The following CNTNAP2 variants were observed in gnomAD, a reference collection of about 807,000 sequenced individuals.
CNTNAP2 encodes the protein contactin associated protein 2.
In CNTNAP2, 98 loss-of-function variants were observed where a neutral mutation model predicts 155.2. The observed-to-expected ratio is 0.63, with a 90% CI of 0.54 to 0.75. CNTNAP2 has a LOEUF of 0.75. CNTNAP2 is among the 30% of genes least tolerant of loss of function. CNTNAP2 has a pLI of 0.00. For missense variants in CNTNAP2, 1,727 were observed against 1,688.1 expected (o/e 1.02, Z -0.40); for synonymous variants, 651 against 631.2 (o/e 1.03, Z -0.47).
intron 3 of CNTNAP2, among the ~76,000 whole-genome samples, chr7:146,930,465 T>A (rs922724263): frequency 2.0e-5 from 3 of 152,138 alleles, no homozygotes; most frequent in African/African-American, 4.8e-5. Context: ...GAACAACTGG[T>A]ACCAGCCACT....
intron 1 of CNTNAP2, among the ~76,000 whole-genome samples, chr7:146,641,415 A>C (rs544184897): frequency 6.6e-6 from 1 of 152,236 alleles, no homozygotes; most frequent in African/African-American, 2.4e-5. Flanking sequence ...GGTTTCTAAT[A>C]ATTTATAAGA....
chr7:146,525,726 G>A (rs957192489), intron 1 of CNTNAP2, among the ~76,000 whole-genome samples: 8 of 152,122 alleles, frequency 5.3e-5, no homozygotes, highest in Non-Finnish European at 1.0e-4. Context: ...AGCTTCCTGG[G>A]CATCTGGGCA....
chr7:146,285,312 A>G (rs1800308753), intron 1 of CNTNAP2, among the ~76,000 whole-genome samples: 2 of 152,150 alleles, frequency 1.3e-5, no homozygotes, highest in South Asian at 2.1e-4. Flanking sequence ...AACCTTGACT[A>G]TCATAAGTGC....
chr7:146,311,961 T>A (rs1800832590), intron 1 of CNTNAP2: 1 of 152,098 alleles, frequency 6.6e-6, no homozygotes, highest in South Asian at 2.1e-4. Flanking sequence ...AAACAACTAC[T>A]CTAGTAAATT....
At chr7:146,406,734 C>T (rs148204387) in intron 1 of CNTNAP2, among the ~76,000 whole-genome samples, 10 of 152,232 alleles carry the variant, frequency 6.6e-5, no homozygotes, top group Admixed American at 2.0e-4. Flanking sequence ...GAGTCAACCT[C>T]GCAGAACCTT....
intron 20 of CNTNAP2, among the ~76,000 whole-genome samples, chr7:148,252,159 T>C (rs1796374287): frequency 6.6e-6 from 1 of 152,208 alleles, no homozygotes; most frequent in Non-Finnish European, 1.5e-5. Flanking sequence ...AGGCCCAGAA[T>C]CACCCTACTC....
chr7:147,343,614 T>C (rs1047183366), intron 9 of CNTNAP2, among the ~76,000 whole-genome samples: 1 of 152,206 alleles, frequency 6.6e-6, no homozygotes, highest in Non-Finnish European at 1.5e-5. Context: ...AGTTTTAATA[T>C]TGTGAATATA....
At chr7:147,000,818 C>T (rs558840811) in intron 3 of CNTNAP2, among the ~76,000 whole-genome samples, 2 of 152,192 alleles carry the variant, frequency 1.3e-5, no homozygotes, top group African/African-American at 2.4e-5. Context: ...CTGAGGTCTG[C>T]CTGTTGTGGT....
intron 13 of CNTNAP2, among the ~76,000 whole-genome samples, chr7:147,696,492 A>G (rs998694757): frequency 1.3e-5 from 2 of 152,166 alleles, no homozygotes; most frequent in Admixed American, 6.6e-5. Flanking sequence ...CCATATACAT[A>G]GAGTACATTA....
At position 146,934,604 on chromosome 7, in the gene CNTNAP2, TA is replaced by T. The variant is rs957644538; in HGVS notation, c.402+94708del. 2.0e-4 allele frequency among the ~76,000 whole-genome samples: 30 copies of T among 151,992 alleles called. 1 individual carries two copies. Among genetic ancestry groups the T allele is most frequent in the South Asian group, 1.5e-3 (7 of 4,810 alleles). On this transcript the variant is annotated intron_variant, in intron 3 of 23. Coordinates refer to ENST00000361727, the MANE Select transcript of CNTNAP2 (RefSeq NM_014141.6). ...CATAAAACTTTAATAATAATAAAATTAAAAAAAATTGTTCAATTCAAATTTT... is the reference window on the plus strand; with the variant it reads ...CATAAAACTTTAATAATAATAAAATTAAAAAAATTGTTCAATTCAAATTTT...
intron 9 of CNTNAP2, among the ~76,000 whole-genome samples, chr7:147,302,208 C>T (rs998513193): frequency 5.9e-5 from 9 of 152,166 alleles, no homozygotes; most frequent in African/African-American, 2.2e-4. Context: ...ACAAATAGAT[C>T]ACAGTTGTCA....
chr7:147,633,310 G>A (rs61672019), intron 12 of CNTNAP2, among the ~76,000 whole-genome samples: 1,674 of 152,296 alleles, frequency 0.011, 31 homozygotes, highest in African/African-American at 0.039. Flanking sequence ...AGATTTCAGA[G>A]GATGTATGGA....
intron 2 of CNTNAP2, among the ~76,000 whole-genome samples, chr7:146,797,874 T>G (rs1412489787): frequency 1.3e-5 from 2 of 152,244 alleles, no homozygotes; most frequent in African/African-American, 4.8e-5. Context: ...ATATTTCAGG[T>G]GTAACTATGT....
intron 15 of CNTNAP2, among the ~76,000 whole-genome samples, chr7:147,978,903 C>T (rs1278064766): frequency 6.6e-6 from 1 of 152,138 alleles, no homozygotes; most frequent in Admixed American, 6.6e-5. Flanking sequence ...GAGAATACCA[C>T]ACACATCCCA....
chr7:146,910,581 C>T (rs1796251548), intron 3 of CNTNAP2, among the ~76,000 whole-genome samples: 1 of 151,014 alleles, frequency 6.6e-6, no homozygotes, highest in African/African-American at 2.5e-5. Context: ...ATAAATGGTG[C>T]TGGGAAAACT....
rs548837561 is a variant in CNTNAP2 at position 146,130,454 on chromosome 7, A to G, written c.97+13481A>G. Among the ~76,000 whole-genome samples, 11 of 152,358 alleles carry G rather than the reference A, an allele frequency of 7.2e-5. No homozygotes were observed. In the South Asian group the frequency reaches 2.3e-3, roughly 32 times the overall value. The stretch of plus-strand genomic sequence containing the variant: ...CACTGCATTTCAGCCAGCTGAGACA[A>G]GAGTGAGACTCTGCCTCTTAATAAT... On this transcript the variant is annotated intron_variant, in intron 1 of 23. Coordinates refer to ENST00000361727, the MANE Select transcript of CNTNAP2 (RefSeq NM_014141.6).
intron 18 of CNTNAP2, among the ~76,000 whole-genome samples, chr7:148,189,599 C>A (rs1226206008): frequency 2.0e-5 from 3 of 152,200 alleles, no homozygotes; most frequent in Non-Finnish European, 4.4e-5. Flanking sequence ...GATGATACAA[C>A]AAGAGGGCTC....
At chr7:146,700,607 A>T (rs1800860441) in intron 1 of CNTNAP2, among the ~76,000 whole-genome samples, 1 of 152,156 alleles carries the variant, frequency 6.6e-6, no homozygotes, top group Non-Finnish European at 1.5e-5. Flanking sequence ...GTGTGGGGGC[A>T]TTCAAAGGAA....
chr7:148,020,656 C>T (rs111284705), intron 15 of CNTNAP2, among the ~76,000 whole-genome samples: 14 of 152,244 alleles, frequency 9.2e-5, no homozygotes, highest in East Asian at 1.9e-4. Context: ...TTCAGTAAAA[C>T]GATATTTTTT....
Sources: allele counts gnomAD v4.1 joint callset (sites outside exome capture counted in the v4.1 genomes callset), GRCh38; gene constraint gnomAD v4.1.1; transcripts MANE v1.5; gene names NCBI Gene and HGNC (gene_info 2026-07-23, HGNC 2026-07-21).